The following FAM168A variants were observed in gnomAD, a reference collection of about 807,000 sequenced individuals.
The protein encoded by FAM168A is family with sequence similarity 168 member A.
FAM168A carries 3 observed loss-of-function variants against 28.5 expected under a neutral mutation model. That is an observed-to-expected ratio of 0.11 (90% CI 0.05 to 0.27). FAM168A has a LOEUF of 0.27. Ranked by LOEUF, FAM168A falls within the 10% of genes least tolerant of loss-of-function variation. FAM168A has a pLI of 1.00. For missense variants in FAM168A, 222 were observed against 311.5 expected (o/e 0.71, Z 2.16); for synonymous variants, 122 against 124.2 (o/e 0.98, Z 0.12).
intron 1 of FAM168A, among the ~76,000 whole-genome samples, chr11:73,595,635 C>T (rs1348500658): frequency 6.6e-6 from 1 of 152,206 alleles, no homozygotes; most frequent in Non-Finnish European, 1.5e-5. Context: ...TGTGTACCTT[C>T]CATTATCATC....
At chr11:73,571,304 T>C (rs962730302) in intron 1 of FAM168A, among the ~76,000 whole-genome samples, 3 of 138,820 alleles carry the variant, frequency 2.2e-5, no homozygotes, top group Non-Finnish European at 4.6e-5. Flanking sequence ...GAGCCGAAGC[T>C]GGACTGTACT....
At chr11:73,486,559 C>T (rs1868055997) in intron 1 of FAM168A, among the ~76,000 whole-genome samples, 1 of 152,144 alleles carries the variant, frequency 6.6e-6, no homozygotes, top group Non-Finnish European at 1.5e-5. Context: ...TCCAGACTTC[C>T]CATTTCGGAT....
chr11:73,578,596 T>C (rs1364433751), intron 1 of FAM168A, among the ~76,000 whole-genome samples: 2 of 152,216 alleles, frequency 1.3e-5, no homozygotes, highest in Non-Finnish European at 2.9e-5. Flanking sequence ...AAAGATTTCT[T>C]TCCCTAACCA....
chr11:73,594,492 A>T (rs903143222), intron 1 of FAM168A, among the ~76,000 whole-genome samples: 24 of 152,218 alleles, frequency 1.6e-4, no homozygotes, highest in African/African-American at 5.5e-4. Context: ...CTATGTTCAC[A>T]ATGTTTTGCA....
At chr11:73,447,747 A>G (rs1425427930) in intron 2 of FAM168A, among the ~76,000 whole-genome samples, 1 of 151,110 alleles carries the variant, frequency 6.6e-6, no homozygotes, top group Non-Finnish European at 1.5e-5. Context: ...TCTAATCACC[A>G]AGCCTTGTGG....
intron 2 of FAM168A, among the ~76,000 whole-genome samples, chr11:73,439,658 A>G (rs1162327446): frequency 6.6e-6 from 1 of 152,068 alleles, no homozygotes; most frequent in Non-Finnish European, 1.5e-5. Flanking sequence ...AGAAATTTTA[A>G]TGGGAAGCAG....
chr11:73,486,505 G>C (rs1476762499), intron 1 of FAM168A, among the ~76,000 whole-genome samples: 1 of 152,074 alleles, frequency 6.6e-6, no homozygotes, highest in Non-Finnish European at 1.5e-5. Context: ...CTTCTTCAAG[G>C]TTCATCCATG....
chr11:73,541,076 G>A (rs1012962868), intron 1 of FAM168A, among the ~76,000 whole-genome samples: 3 of 151,902 alleles, frequency 2.0e-5, no homozygotes, highest in Admixed American at 1.3e-4. Context: ...GTAGTGGTGC[G>A]TGCCTGTAGT....
chr11:73,558,736 T>C (rs1484563561), intron 1 of FAM168A, among the ~76,000 whole-genome samples: 1 of 152,016 alleles, frequency 6.6e-6, no homozygotes, highest in African/African-American at 2.4e-5. Context: ...GTCAAAACCA[T>C]AAGATATATT....
chr11:73,487,489 G>A (rs921935654), intron 1 of FAM168A, among the ~76,000 whole-genome samples: 2 of 152,130 alleles, frequency 1.3e-5, no homozygotes, highest in Non-Finnish European at 2.9e-5. Flanking sequence ...CTGCTTCCAA[G>A]TAACTTTCCT....
At chr11:73,584,304 C>T (rs1944283029) in intron 1 of FAM168A, among the ~76,000 whole-genome samples, 1 of 151,938 alleles carries the variant, frequency 6.6e-6, no homozygotes, top group African/African-American at 2.4e-5. Flanking sequence ...TCCCGAGTAG[C>T]TGGGACCACA....
chr11:73,421,354 C>CA (rs1351211048), intron 3 of FAM168A, among the ~76,000 whole-genome samples: 1 of 152,148 alleles, frequency 6.6e-6, no homozygotes, highest in Non-Finnish European at 1.5e-5. Context: ...TTTGTTGAAC[C>CA]AAGGCTAGAA....
At chr11:73,530,243 T>C (rs748800178) in intron 1 of FAM168A, among the ~76,000 whole-genome samples, 2 of 152,226 alleles carry the variant, frequency 1.3e-5, no homozygotes, top group African/African-American at 2.4e-5. Context: ...AGTTAAATTA[T>C]TGCCTTACAG....
At chr11:73,498,827 A>G (rs1854944842) in intron 1 of FAM168A, among the ~76,000 whole-genome samples, 1 of 152,124 alleles carries the variant, frequency 6.6e-6, no homozygotes, top group African/African-American at 2.4e-5. Flanking sequence ...AGGATCTCCA[A>G]TAACTCCAGC....
chr11:73,535,406 TTTTC>T (rs1260432859), intron 1 of FAM168A, among the ~76,000 whole-genome samples: 11 of 147,412 alleles, frequency 7.5e-5, no homozygotes, highest in South Asian at 4.2e-4. Context: ...CATCCAGCTA[TTTTC>T]TTTCTTTCTT....
In FAM168A at chr11:73,431,679, A is replaced by G. The variant is rs140642964; in HGVS notation, c.71-909T>C. Among the ~76,000 whole-genome samples the G allele has an allele frequency of 2.0e-3, 299 of 152,298 alleles. 4 individuals are homozygous for G. The highest frequency in any genetic ancestry group is 6.6e-3 in the African/African-American group (274 of 41,562). On this transcript the variant is annotated intron_variant, in intron 2 of 7. Transcript: ENST00000356467. ...GAGTAGTTCGGAAGAAGTGCCCACA[A>G]TCAGCTCTCAAGAGTTTACACAAAC...
At chr11:73,454,877 A>C (rs114608115) in intron 2 of FAM168A, among the ~76,000 whole-genome samples, 2,743 of 152,286 alleles carry the variant, frequency 0.018, 66 homozygotes, top group African/African-American at 0.055. Context: ...ATCGGCAATA[A>C]AATCTCCTGC....
At chr11:73,408,032 C>T (rs1426840467) in intron 6 of FAM168A, among the ~76,000 whole-genome samples, 2 of 152,172 alleles carry the variant, frequency 1.3e-5, no homozygotes, top group African/African-American at 2.4e-5. Flanking sequence ...TCACCACACT[C>T]GGCTGATTTT....
In FAM168A at chr11:73,483,900, G is replaced by A. The variant is rs554074889; in HGVS notation, c.-18-15408C>T. ...AGAGGTTAGCAGAAGAGTCCAGCAA[G>A]AGTATAAAGGCAGTAAGGAATGAAG... On this transcript the variant is annotated intron_variant, in intron 1 of 7. Coordinates refer to ENST00000356467, the MANE Select transcript of FAM168A (RefSeq NM_015159.3). Among the ~76,000 whole-genome samples the A allele has an allele frequency of 4.6e-5, 7 of 152,330 alleles. No individual in the cohort carries two copies. The East Asian group carries it at 1.2e-3, about 25-fold the overall frequency.
Sources: gnomAD v4.1 joint callset for allele counts (sites outside exome capture counted in the v4.1 genomes callset) on GRCh38, gnomAD v4.1.1 for gene constraint, MANE v1.5 for transcripts, NCBI Gene and HGNC (gene_info 2026-07-23, HGNC 2026-07-21) for gene names.